LRRC4C: variants seen among roughly 807,000 people sequenced by gnomAD.
LRRC4C encodes leucine-rich repeat-containing protein 4C.
A neutral mutation model predicts 33.6 loss-of-function variants in LRRC4C; 5 were observed. That is an observed-to-expected ratio of 0.15 (90% CI 0.08 to 0.31). LRRC4C has a LOEUF of 0.31. LRRC4C is among the 10% of genes least tolerant of loss of function. LRRC4C has a pLI of 1.00. For missense variants in LRRC4C, 560 were observed against 796.7 expected (o/e 0.70, Z 3.58); for synonymous variants, 329 against 302.0 (o/e 1.09, Z -0.93).
chr11:40,371,826 C>T lies in LRRC4C; in HGVS notation c.-269-52105G>A, dbSNP rs116443883. On this transcript the variant is annotated intron_variant, in intron 3 of 6. Coordinates refer to ENST00000528697, the MANE Select transcript of LRRC4C (RefSeq NM_001258419.2). Reference sequence around the variant, plus strand: ...AACAAAGATGCATTGTAGATTGAGGCTCCCAACTGGACAACACGACCTGGG... The same window carrying T: ...AACAAAGATGCATTGTAGATTGAGGTTCCCAACTGGACAACACGACCTGGG... 5.7e-3 allele frequency among the ~76,000 whole-genome samples: 874 copies of T among 152,210 alleles called. 6 individuals are homozygous for T. Among genetic ancestry groups the T allele is most frequent in the African/African-American group, 0.02 (820 of 41,530 alleles).
intron 4 of LRRC4C, among the ~76,000 whole-genome samples, chr11:40,243,688 T>C (rs889601145): frequency 1.2e-5 from 1 of 81,132 alleles, no homozygotes; most frequent in African/African-American, 4.0e-5. Context: ...AACTTATATC[T>C]TTTTTTTTTT....
At chr11:41,044,777 A>G (rs1048447597) in intron 1 of LRRC4C, among the ~76,000 whole-genome samples, 5 of 152,126 alleles carry the variant, frequency 3.3e-5, no homozygotes, top group Admixed American at 2.0e-4. Context: ...CACATAATAC[A>G]AGACATTTAA....
intron 1 of LRRC4C, among the ~76,000 whole-genome samples, chr11:41,145,997 C>T (rs1233472472): frequency 6.6e-6 from 1 of 152,116 alleles, no homozygotes; most frequent in Non-Finnish European, 1.5e-5. Flanking sequence ...CAAAATACTT[C>T]CTTCACCATA....
chr11:40,604,818 G>T (rs1038118145), intron 3 of LRRC4C, among the ~76,000 whole-genome samples: 2 of 151,910 alleles, frequency 1.3e-5, no homozygotes, highest in Non-Finnish European at 2.9e-5. Context: ...AAAAAAGGTA[G>T]CATGAAGGGA....
intron 1 of LRRC4C, among the ~76,000 whole-genome samples, chr11:41,250,503 C>T (rs1030235756): frequency 2.6e-5 from 4 of 152,084 alleles, no homozygotes; most frequent in Non-Finnish European, 5.9e-5. Flanking sequence ...GAAAGTGAGT[C>T]CTGGCAAAAT....
chr11:41,072,685 G>A (rs1264248809), intron 1 of LRRC4C, among the ~76,000 whole-genome samples: 13 of 152,054 alleles, frequency 8.5e-5, no homozygotes, highest in Admixed American at 7.9e-4. Context: ...ATAGCAATAT[G>A]AGAAACGACT....
chr11:40,297,477 T>C (rs1302445416), intron 4 of LRRC4C, among the ~76,000 whole-genome samples: 1 of 152,198 alleles, frequency 6.6e-6, no homozygotes, highest in Non-Finnish European at 1.5e-5. Flanking sequence ...TTAGATAATA[T>C]TCTATAGATA....
Position 41,180,235 on chromosome 11 carries a change from AAAG to A in LRRC4C, c.-495-246515_-495-246513del, listed in dbSNP as rs576073676. Among the ~76,000 whole-genome samples the A allele has an allele frequency of 3.0e-4, 46 of 152,314 alleles. 1 individual carries two copies. In the South Asian group the frequency reaches 6.6e-3, roughly 22 times the overall value. Reference sequence around the variant, plus strand: ...GAAGAGAGCAGAAAATAAACTCAGAAAAGAAAGCAGCCAGATCACAATATTGTG... The same window carrying A: ...GAAGAGAGCAGAAAATAAACTCAGAAAAAGCAGCCAGATCACAATATTGTG... On this transcript the variant is annotated intron_variant, in intron 1 of 6. Transcript: ENST00000528697.
chr11:40,911,185 T>A (rs977096979), intron 2 of LRRC4C, among the ~76,000 whole-genome samples: 1 of 152,146 alleles, frequency 6.6e-6, no homozygotes, highest in African/African-American at 2.4e-5. Flanking sequence ...GTCTGACAGC[T>A]TGGAAGAGAG....
Position 41,024,705 on chromosome 11 carries a change from T to A in LRRC4C, c.-495-90982A>T, listed in dbSNP as rs542881147. Among the ~76,000 whole-genome samples the A allele has an allele frequency of 6.6e-5, 10 of 151,754 alleles. No individual in the cohort carries two copies. In the East Asian group the frequency reaches 1.9e-3, roughly 29 times the overall value. On this transcript the variant is annotated intron_variant, in intron 1 of 6. Transcript: ENST00000528697. ...ATTTATGTTTCATTTCAGTAAACAG[T>A]TCCCTGTTTCGTCTATAAAATAAAT...
intron 1 of LRRC4C, among the ~76,000 whole-genome samples, chr11:41,306,540 G>T (rs1591221080): frequency 6.6e-6 from 1 of 152,212 alleles, no homozygotes; most frequent in African/African-American, 2.4e-5. Context: ...CACACCATGT[G>T]CTATTCTAAG....
chr11:40,437,591 T>C (rs1373086911), intron 3 of LRRC4C, among the ~76,000 whole-genome samples: 1 of 151,458 alleles, frequency 6.6e-6, no homozygotes, highest in Non-Finnish European at 1.5e-5. Flanking sequence ...ACTCGGTTTC[T>C]CCATGTTGAC....
At chr11:40,803,719 C>T (rs1951135911) in intron 2 of LRRC4C, among the ~76,000 whole-genome samples, 1 of 152,080 alleles carries the variant, frequency 6.6e-6, no homozygotes, top group African/African-American at 2.4e-5. Context: ...GTGGTCCACC[C>T]GCCTCGGCCT....
At chr11:41,188,563 T>A (rs1945799369) in intron 1 of LRRC4C, among the ~76,000 whole-genome samples, 1 of 152,058 alleles carries the variant, frequency 6.6e-6, no homozygotes, top group Non-Finnish European at 1.5e-5. Context: ...ATAATAGCAA[T>A]CATTCATAGA....
At chr11:41,084,736 C>T (rs1311920057) in intron 1 of LRRC4C, among the ~76,000 whole-genome samples, 2 of 152,114 alleles carry the variant, frequency 1.3e-5, no homozygotes, top group Admixed American at 6.5e-5. Flanking sequence ...GTAAACCCAG[C>T]TACTCAAGAG....
At chr11:40,625,785 A>G (rs1962871263) in intron 3 of LRRC4C, among the ~76,000 whole-genome samples, 1 of 152,140 alleles carries the variant, frequency 6.6e-6, no homozygotes, top group African/African-American at 2.4e-5. Flanking sequence ...ACCTTCAAAA[A>G]TTATCAAGAA....
intron 3 of LRRC4C, among the ~76,000 whole-genome samples, chr11:40,437,338 T>A (rs972923112): frequency 6.6e-6 from 1 of 152,172 alleles, no homozygotes; most frequent in African/African-American, 2.4e-5. Flanking sequence ...ATCCTTGTAA[T>A]ATGTAAGTCA....
At chr11:40,227,267 C>T (rs940184607) in intron 5 of LRRC4C, among the ~76,000 whole-genome samples, 3 of 152,192 alleles carry the variant, frequency 2.0e-5, no homozygotes, top group Non-Finnish European at 2.9e-5. Context: ...CCTCTCCTCC[C>T]AGTGGATTAT....
At chr11:41,412,117 G>C (rs1435639545) in intron 1 of LRRC4C, among the ~76,000 whole-genome samples, 1 of 152,176 alleles carries the variant, frequency 6.6e-6, no homozygotes, top group Non-Finnish European at 1.5e-5. Flanking sequence ...TTTTTGAACT[G>C]CTTGGTAGTA....
Sources: gnomAD v4.1 joint callset for allele counts (sites outside exome capture counted in the v4.1 genomes callset) on GRCh38, gnomAD v4.1.1 for gene constraint, MANE v1.5 for transcripts, NCBI Gene and HGNC (gene_info 2026-07-23, HGNC 2026-07-21) for gene names.